Variants in DSCAM observed in about 807,000 individuals in gnomAD.
The protein encoded by DSCAM is DS cell adhesion molecule.
DSCAM carries 47 observed loss-of-function variants against 217.7 expected under a neutral mutation model. That is an observed-to-expected ratio of 0.22 (90% CI 0.17 to 0.28). The LOEUF (loss-of-function observed/expected upper bound fraction) is 0.28. Among genes scored for constraint, DSCAM ranks in the 10% least tolerant of loss-of-function variants. The pLI, the probability that DSCAM is intolerant of heterozygous loss-of-function variation, is 1.00. For missense variants in DSCAM, 2,080 were observed against 2,618.3 expected (o/e 0.79, Z 4.49); for synonymous variants, 1,056 against 1,015.3 (o/e 1.04, Z -0.76).
rs542122176 is a variant in DSCAM, at chr21:40,174,210, C to A, written c.2947+4717G>T. Reference sequence around the variant, plus strand: ...GTGGTTGGGGAAGCCATGAAGACTGCGCTGAATGGTGTGGTCTTGGCTTCA... The same window carrying A: ...GTGGTTGGGGAAGCCATGAAGACTGAGCTGAATGGTGTGGTCTTGGCTTCA... On this transcript the variant is annotated intron_variant, in intron 15 of 32. Coordinates refer to ENST00000400454, the MANE Select transcript of DSCAM (RefSeq NM_001389.5). Among the ~76,000 whole-genome samples, 12 of 152,276 alleles carry A rather than the reference C, an allele frequency of 7.9e-5. No homozygotes were observed. The East Asian group carries it at 2.3e-3, about 29-fold the overall frequency.
intron 15 of DSCAM, among the ~76,000 whole-genome samples, chr21:40,175,059 T>C (rs1326061249): frequency 6.6e-6 from 1 of 152,210 alleles, no homozygotes; most frequent in Non-Finnish European, 1.5e-5. Flanking sequence ...TTGGGGCTGC[T>C]ATAACAAAGT....
chr21:40,193,251 C>T (rs59226327), intron 11 of DSCAM, among the ~76,000 whole-genome samples: 8,895 of 152,152 alleles, frequency 0.058, 609 homozygotes, highest in African/African-American at 0.17. Flanking sequence ...GGCTTACTGG[C>T]TGTAGAAACC....
chr21:40,687,190 C>A (rs1051992365), intron 3 of DSCAM, among the ~76,000 whole-genome samples: 11 of 152,152 alleles, frequency 7.2e-5, no homozygotes, highest in Admixed American at 6.5e-5. Flanking sequence ...TTATACTTTT[C>A]ATTTGGTCCC....
At chr21:40,469,069 C>G (rs766259039) in intron 3 of DSCAM, among the ~76,000 whole-genome samples, 1 of 152,120 alleles carries the variant, frequency 6.6e-6, no homozygotes, top group Non-Finnish European at 1.5e-5. Flanking sequence ...AAGAGAATGG[C>G]CTCAACACTG....
chr21:40,502,968 G>T (rs947728566), intron 3 of DSCAM, among the ~76,000 whole-genome samples: 9 of 152,034 alleles, frequency 5.9e-5, no homozygotes, highest in African/African-American at 2.2e-4. Context: ...CCATGAGTTT[G>T]CCAGAGAGCT....
intron 4 of DSCAM, among the ~76,000 whole-genome samples, chr21:40,361,613 A>T (rs2074766168): frequency 6.6e-6 from 1 of 151,524 alleles, no homozygotes; most frequent in Admixed American, 6.6e-5. Context: ...GTGAGACTCC[A>T]TCTCAAAAAC....
At chr21:40,547,024 T>C (rs1424688350) in intron 3 of DSCAM, among the ~76,000 whole-genome samples, 1 of 151,864 alleles carries the variant, frequency 6.6e-6, no homozygotes, top group East Asian at 1.9e-4. Flanking sequence ...CCCATCCAAA[T>C]CCCCTCATAA....
chr21:40,179,184 C>CAAAAAAAAAAAAAAAAAA lies in DSCAM; in HGVS notation c.2780-108_2780-91dup, dbSNP rs11286508. On this transcript the variant is annotated intron_variant, in intron 14 of 32. Transcript: ENST00000400454. ...AAGTTCACAAGTAGGAATTAAAAACCAAAAAAAAAAAAAAAAAAAAAAAAA... is the reference window on the plus strand; with the variant it reads ...AAGTTCACAAGTAGGAATTAAAAACCAAAAAAAAAAAAAAAAAAAAAAAAAAAAAAAAAAAAAAAAAAA... 1.9e-4 allele frequency: 19 copies of CAAAAAAAAAAAAAAAAAA among 102,624 alleles called. 6 individuals are homozygous for CAAAAAAAAAAAAAAAAAA. The highest frequency in any genetic ancestry group is 6.4e-4 in the South Asian group (6 of 9,308). 6.4% of individuals were successfully genotyped at this position (102,624 alleles called of 1,614,324 possible).
chr21:40,627,819 T>C (rs1320457318), intron 3 of DSCAM, among the ~76,000 whole-genome samples: 1 of 152,202 alleles, frequency 6.6e-6, no homozygotes, highest in East Asian at 1.9e-4. Context: ...TTATTTGGAT[T>C]CAGATTTACT....
Position 40,560,380 on chromosome 21 carries a change from G to A in DSCAM, c.508+132430C>T, listed in dbSNP as rs557578425. Reference sequence around the variant, plus strand: ...GGTGGAAAGCTGGAGGTAAGGATCCGGAAATTCCTGGCCAGCTCTAGATTT... The same window carrying A: ...GGTGGAAAGCTGGAGGTAAGGATCCAGAAATTCCTGGCCAGCTCTAGATTT... On this transcript the variant is annotated intron_variant, in intron 3 of 32. Coordinates refer to ENST00000400454, the MANE Select transcript of DSCAM (RefSeq NM_001389.5). Among the ~76,000 whole-genome samples, 5 of 152,180 alleles carry A rather than the reference G, an allele frequency of 3.3e-5. No individual in the cohort carries two copies. The South Asian group carries it at 6.2e-4, about 19-fold the overall frequency.
intron 17 of DSCAM, among the ~76,000 whole-genome samples, chr21:40,143,408 T>A (rs899009797): frequency 6.6e-6 from 1 of 152,166 alleles, no homozygotes; most frequent in African/African-American, 2.4e-5. Flanking sequence ...GATAGACAAT[T>A]CCAGTGTTCA....
chr21:40,028,760 G>A (rs918679257), intron 32 of DSCAM, among the ~76,000 whole-genome samples: 23 of 152,128 alleles, frequency 1.5e-4, no homozygotes, highest in East Asian at 3.9e-4. Context: ...AGATGAACCC[G>A]GTACCTCAGA....
At chr21:40,512,409 T>A (rs1249411878) in intron 3 of DSCAM, among the ~76,000 whole-genome samples, 1 of 152,082 alleles carries the variant, frequency 6.6e-6, no homozygotes, top group Non-Finnish European at 1.5e-5. Context: ...TCATTGGAAA[T>A]TATGGGTATC....
chr21:40,070,899 G>C (rs895695525), intron 27 of DSCAM, among the ~76,000 whole-genome samples: 1 of 152,186 alleles, frequency 6.6e-6, no homozygotes, highest in Non-Finnish European at 1.5e-5. Context: ...CCATTTCAAA[G>C]CATGTTTAAA....
intron 11 of DSCAM, among the ~76,000 whole-genome samples, chr21:40,254,021 T>C (rs7280961): frequency 0.57 from 87,100 of 152,014 alleles, 26,741 homozygotes; most frequent in African/African-American, 0.8. Flanking sequence ...AGCAGTCTTG[T>C]TAGGGATCTT....
In DSCAM at chr21:40,189,149, G is replaced by T. The variant is rs1460540007; in HGVS notation, c.2446C>A (p.Pro816Thr). Residue 816 changes from proline (P) to threonine (T), a missense_variant, in exon 12 of 33, where the codon CCC (proline) becomes ACC (threonine). Around this residue, in one of 5 missense-constraint regions of DSCAM, gnomAD observed 1,144 missense variants for 1,421.1 expected, o/e 0.81. Transcript: ENST00000400454. Reference sequence around the variant, plus strand: ...TCCTTCTCCCAGCGGACTATAATGGGCTTCTCACCATGCGCCGTGCAGCTC... The same window carrying T: ...TCCTTCTCCCAGCGGACTATAATGGTCTTCTCACCATGCGCCGTGCAGCTC... ...EMSCTAHGEKPIIVRWEKEDR... is the reference protein window; with the variant it reads ...EMSCTAHGEKTIIVRWEKEDR... 1.2e-6 allele frequency: 2 copies of T among 1,614,088 alleles called. No individual in the cohort carries two copies. The highest frequency in any genetic ancestry group is 2.2e-5 in the East Asian group (1 of 44,864).
At chr21:40,727,475 A>G (rs949341758) in intron 1 of DSCAM, among the ~76,000 whole-genome samples, 1 of 152,226 alleles carries the variant, frequency 6.6e-6, no homozygotes, top group South Asian at 2.1e-4. Context: ...AGTAAAAAGC[A>G]TCATTCTTAA....
intron 3 of DSCAM, among the ~76,000 whole-genome samples, chr21:40,424,162 C>T (rs554599751): frequency 6.6e-6 from 1 of 152,164 alleles, no homozygotes; most frequent in African/African-American, 2.4e-5. Context: ...CCTTTTAAAA[C>T]AGATTTCTTT....
intron 3 of DSCAM, among the ~76,000 whole-genome samples, chr21:40,595,027 G>A (rs1338745439): frequency 2.6e-5 from 4 of 152,196 alleles, no homozygotes; most frequent in Non-Finnish European, 4.4e-5. Flanking sequence ...AGCCCAGGCA[G>A]CACAGGGCAG....
Sources: gnomAD v4.1 joint callset for allele counts (sites outside exome capture counted in the v4.1 genomes callset) on GRCh38, gnomAD v4.1.1 for gene constraint, gnomAD v4.1.1 regional missense constraint, MANE v1.5 for transcripts, NCBI Gene and HGNC (gene_info 2026-07-23, HGNC 2026-07-21) for gene names.